PON2: variants seen among roughly 807,000 people sequenced by gnomAD.
PON2 encodes paraoxonase 2, also known as serum paraoxonase/arylesterase 2.
Under a neutral mutation model 36.6 loss-of-function variants are expected in PON2, and 27 were observed. The ratio of observed to expected loss-of-function variants is 0.74; its 90% CI spans 0.54 to 1.02. The LOEUF (loss-of-function observed/expected upper bound fraction) is 1.02. Among genes scored for constraint, PON2 ranks in the 50% least tolerant of loss-of-function variants. The probability of loss-of-function intolerance (pLI) is 0.00; values close to 1 mark genes in which losing one functional copy is unlikely to be tolerated. For synonymous variants in PON2, 149 were observed against 156.3 expected, an observed-to-expected ratio of 0.95 and a Z score of 0.35; for missense variants, 363 against 421.1, an observed-to-expected ratio of 0.86 and a Z score of 1.21.
chr7:95,424,457 T>C (rs377744544), intron 2 of PON2, 58 bp downstream of exon 2: 10 of 1,389,574 alleles, frequency 7.2e-6, no homozygotes, highest in Non-Finnish European at 1.0e-5. Context: ...TTAATGAGTG[T>C]TTTAATGTTA....
At chr7:95,422,514 A>T (rs1789216771) in intron 2 of PON2, among the ~76,000 whole-genome samples, 1 of 152,248 alleles carries the variant, frequency 6.6e-6, no homozygotes, top group Non-Finnish European at 1.5e-5. Context: ...CATTATGTAC[A>T]AACATAAGTT....
At chr7:95,429,421 T>A (rs184298505) in intron 1 of PON2, among the ~76,000 whole-genome samples, 1 of 152,334 alleles carries the variant, frequency 6.6e-6, no homozygotes, top group Non-Finnish European at 1.5e-5. Context: ...GTTTTCTTAA[T>A]CCAGTCTATC....
intron 8 of PON2, among the ~76,000 whole-genome samples, chr7:95,405,804 G>C (rs1413523022): frequency 6.6e-6 from 1 of 152,116 alleles, no homozygotes; most frequent in Non-Finnish European, 1.5e-5. Context: ...ATCACATCAT[G>C]TGGTGAGCTG....
At chr7:95,423,314 C>T (rs1585759690) in intron 2 of PON2, among the ~76,000 whole-genome samples, 1 of 124,500 alleles carries the variant, frequency 8.0e-6, no homozygotes, top group African/African-American at 3.2e-5. Context: ...AAAGTGAGGC[C>T]ACCTCTCAAA....
At position 95,416,247 on chromosome 7, in the gene PON2, T is replaced by TA. The variant is rs1201102139; in HGVS notation, c.195dup (p.Ser66Ter). 1 of 1,612,608 alleles carries TA rather than the reference T, an allele frequency of 6.2e-7. No individual in the cohort carries two copies. The highest frequency in any genetic ancestry group is 1.1e-5 in the South Asian group (1 of 91,058). ...GGAAGGAAGAAGACACTCACCACAC[T>TA]AAAAAAAGCCAGACCATTGGGAAGT... is the stretch of plus-strand genomic sequence containing the variant. On this transcript the variant is annotated frameshift_variant, in exon 3 of 9. Transcript: ENST00000222572. LOFTEE classifies it high-confidence loss of function.
chr7:95,423,511 G>T (rs1381498500), intron 2 of PON2, among the ~76,000 whole-genome samples: 1 of 151,950 alleles, frequency 6.6e-6, no homozygotes, highest in African/African-American at 2.4e-5. Context: ...GACCCTCAGT[G>T]CTGGAGAAGA....
intron 6 of PON2, 26 bp downstream of exon 6, chr7:95,409,875 T>G: frequency 6.2e-7 from 1 of 1,605,198 alleles, no homozygotes; most frequent in East Asian, 2.2e-5. Flanking sequence ...TGAAGAAAAA[T>G]GAAGATATTC....
chr7:95,415,977 A>G, intron 3 of PON2: 1 of 605,238 alleles, frequency 1.7e-6, no homozygotes. Flanking sequence ...ATTAAAAAAG[A>G]AAAAACAAAA....
At chr7:95,406,035 CA>C in intron 8 of PON2, 83 bp downstream of exon 8, 2 of 1,464,468 alleles carry the variant, frequency 1.4e-6, no homozygotes, top group Non-Finnish European at 9.4e-7. Context: ...AATAACTAAA[CA>C]AATCATCCCT....
intron 1 of PON2, among the ~76,000 whole-genome samples, chr7:95,429,438 G>A (rs17876187): frequency 0.058 from 8,869 of 152,092 alleles, 347 homozygotes; most frequent in Non-Finnish European, 0.09. Flanking sequence ...TATCATTGAC[G>A]GACATTTGGG....
chr7:95,409,590 A>G (rs1409311487), intron 6 of PON2: 4 of 151,708 alleles, frequency 2.6e-5, no homozygotes, highest in Admixed American at 1.3e-4. Context: ...TAAAATTTAT[A>G]TTTATAAAAT....
chr7:95,428,553 T>C (rs1037168384), intron 1 of PON2, among the ~76,000 whole-genome samples: 4 of 152,246 alleles, frequency 2.6e-5, no homozygotes, highest in African/African-American at 9.6e-5. Context: ...ATTTCAGTTG[T>C]AGATAGCTCA....
At chr7:95,423,249 G>A (rs1390829354) in intron 2 of PON2, among the ~76,000 whole-genome samples, 3 of 146,982 alleles carry the variant, frequency 2.0e-5, no homozygotes, top group African/African-American at 7.6e-5. Flanking sequence ...TTGAGCCCAG[G>A]ATATCAGGGC....
At chr7:95,420,816 T>C (rs1343909168) in intron 2 of PON2, among the ~76,000 whole-genome samples, 2 of 152,192 alleles carry the variant, frequency 1.3e-5, no homozygotes, top group Non-Finnish European at 2.9e-5. Flanking sequence ...CTTTTGCCTG[T>C]ATAGAAATGT....
At position 95,435,012 on chromosome 7, in the gene PON2, C is replaced by T. The variant is rs747498515; in HGVS notation, c.-61G>A. On this transcript the variant is annotated 5_prime_UTR_variant, in exon 1 of 9. It removes an upstream start codon present in the reference 5' UTR. Transcript: ENST00000222572. ...TGGCCAGCAGCTCCGTGGGCGGTGC[C>T]ATCTTCCCGGCTCGATGGTGCCGGC... 1.4e-6 allele frequency: 2 copies of T among 1,462,258 alleles called. No individual in the cohort carries two copies. Among genetic ancestry groups the T allele is most frequent in the South Asian group, 1.3e-5 (1 of 76,834 alleles). The allele number at this position is 1,462,258 out of a possible 1,614,324, so 90.6% of individuals were successfully genotyped here.
At position 95,410,037 on chromosome 7, in the gene PON2, C is replaced by T; in HGVS notation, c.559G>A (p.Asp187Asn). The T allele has an allele frequency of 6.2e-7, 1 of 1,613,766 alleles. No individual in the cohort carries two copies. The highest frequency in any genetic ancestry group is 2.2e-5 in the East Asian group (1 of 44,852). Residue 187 changes from aspartate to asparagine, a missense_variant, in exon 6 of 9, where the codon GAT becomes AAT. Coordinates refer to ENST00000222572, the MANE Select transcript of PON2 (RefSeq NM_000305.3). ...FYATNDHYFS[D>N]PFLKYLETYL... Reference sequence around the variant, plus strand: ...GTTTCTAAATACTTTAAGAAAGGATCAGAGAAGTAGTGGTCATTTGTGGCA... The same window carrying T: ...GTTTCTAAATACTTTAAGAAAGGATTAGAGAAGTAGTGGTCATTTGTGGCA...
intron 1 of PON2, among the ~76,000 whole-genome samples, chr7:95,433,116 TTATC>T (rs1789480633): frequency 6.6e-6 from 1 of 152,226 alleles, no homozygotes; most frequent in Non-Finnish European, 1.5e-5. Flanking sequence ...ACTTCCTTAT[TTATC>T]TATTTACCTG....
At chr7:95,428,404 G>C (rs951786220) in intron 1 of PON2, among the ~76,000 whole-genome samples, 1 of 135,408 alleles carries the variant, frequency 7.4e-6, no homozygotes, top group African/African-American at 3.3e-5. Flanking sequence ...AACTTGGATG[G>C]GGGAAAAATA....
rs1308516724 is a variant in PON2 at position 95,434,996 on chromosome 7, G to A, written c.-45C>T. 4.7e-6 allele frequency: 7 copies of A among 1,490,382 alleles called. No homozygotes were observed. Among genetic ancestry groups the A allele is most frequent in the Non-Finnish European group, 6.2e-6 (7 of 1,124,998 alleles). 92.3% of individuals were successfully genotyped at this position (1,490,382 alleles called of 1,614,324 possible). The stretch of plus-strand genomic sequence containing the variant: ...CTGCCTCGCTCCGGCCTGGCCAGCA[G>A]CTCCGTGGGCGGTGCCATCTTCCCG... On this transcript the variant is annotated 5_prime_UTR_variant, in exon 1 of 9. Transcript: ENST00000222572.
Sources: allele counts gnomAD v4.1 joint callset (sites outside exome capture counted in the v4.1 genomes callset), GRCh38; gene constraint gnomAD v4.1.1; transcripts MANE v1.5; gene names NCBI Gene and HGNC (gene_info 2026-07-23, HGNC 2026-07-21).